The following SHISA9 variants were observed in gnomAD, a reference collection of about 807,000 sequenced individuals.
SHISA9 encodes the protein protein shisa-9.
Under a neutral mutation model 38.0 loss-of-function variants are expected in SHISA9, and 13 were observed. The observed-to-expected ratio is 0.34, with a 90% CI of 0.22 to 0.54. The LOEUF (loss-of-function observed/expected upper bound fraction) is 0.54, where lower values mean the gene tolerates loss of function less well. Among genes scored for constraint, SHISA9 ranks in the 20% least tolerant of loss-of-function variants. The pLI, the probability that SHISA9 is intolerant of heterozygous loss-of-function variation, is 0.91. For synonymous variants in SHISA9, 275 were observed against 242.0 expected (o/e 1.14, Z -1.27); for missense variants, 538 against 575.8 (o/e 0.93, Z 0.67).
the SHISA9 span, among the ~76,000 whole-genome samples, chr16:13,546,152 A>G: frequency 1.3e-5 from 2 of 152,178 alleles, no homozygotes; most frequent in Non-Finnish European, 2.9e-5. Flanking sequence ...AATCAGAAAA[A>G]GGAGTTAGAA....
chr16:12,997,606 A>C (rs1371049452), intron 2 of SHISA9, among the ~76,000 whole-genome samples: 1 of 151,918 alleles, frequency 6.6e-6, no homozygotes, highest in Non-Finnish European at 1.5e-5. Flanking sequence ...GGGTTTCACC[A>C]TGTTGACCAG....
the SHISA9 span, among the ~76,000 whole-genome samples, chr16:13,295,892 G>T: frequency 5.3e-5 from 8 of 152,296 alleles, no homozygotes; most frequent in Non-Finnish European, 1.2e-4. Context: ...AAAAATTTCT[G>T]TCGGAGCTTT....
the SHISA9 span, among the ~76,000 whole-genome samples, chr16:13,322,462 C>T: frequency 6.6e-6 from 1 of 152,144 alleles, no homozygotes; most frequent in Non-Finnish European, 1.5e-5. Context: ...CCAGTTAGAG[C>T]CCTCTGAAAA....
chr16:13,254,617 A>G, the SHISA9 span, among the ~76,000 whole-genome samples: 1 of 152,214 alleles, frequency 6.6e-6, no homozygotes, highest in South Asian at 2.1e-4. Flanking sequence ...AGCAATTACC[A>G]TGACGTTCTT....
the SHISA9 span, among the ~76,000 whole-genome samples, chr16:13,372,528 G>A: frequency 2.0e-5 from 3 of 152,200 alleles, no homozygotes; most frequent in Admixed American, 1.3e-4. Flanking sequence ...TAATGTCCAA[G>A]CAGCACCATT....
At chr16:12,908,000 T>A (rs185329631) in intron 1 of SHISA9, among the ~76,000 whole-genome samples, 1 of 152,334 alleles carries the variant, frequency 6.6e-6, no homozygotes, top group East Asian at 1.9e-4. Context: ...AGATTCAATC[T>A]CAGCTCAGCC....
At chr16:13,055,396 C>G (rs1405335242) in intron 2 of SHISA9, among the ~76,000 whole-genome samples, 1 of 152,158 alleles carries the variant, frequency 6.6e-6, no homozygotes, top group African/African-American at 2.4e-5. Flanking sequence ...TTCTCACTGT[C>G]TCTCTGGTTC....
At chr16:13,088,353 A>C (rs1048017645) in intron 2 of SHISA9, among the ~76,000 whole-genome samples, 9 of 152,200 alleles carry the variant, frequency 5.9e-5, no homozygotes, top group Non-Finnish European at 7.3e-5. Context: ...CTGTGAAGAA[A>C]GTCATTGGTA....
the SHISA9 span, among the ~76,000 whole-genome samples, chr16:13,465,465 C>T: frequency 8.3e-3 from 1,261 of 152,272 alleles, 19 homozygotes; most frequent in African/African-American, 0.029. Context: ...GAAAAGATAT[C>T]ACCTTAAGCC....
chr16:12,984,330 G>T (rs2141826056), intron 2 of SHISA9, among the ~76,000 whole-genome samples: 1 of 152,320 alleles, frequency 6.6e-6, no homozygotes, highest in South Asian at 2.1e-4. Context: ...CTTCCTTGTG[G>T]AGGACTTCAC....
intron 2 of SHISA9, among the ~76,000 whole-genome samples, chr16:13,088,961 T>G (rs2073743747): frequency 1.3e-5 from 2 of 152,198 alleles, no homozygotes; most frequent in Admixed American, 6.5e-5. Context: ...CTTAAATAGC[T>G]CTTATTATTT....
At chr16:13,250,380 G>A in the SHISA9 span, among the ~76,000 whole-genome samples, 1 of 152,136 alleles carries the variant, frequency 6.6e-6, no homozygotes, top group Non-Finnish European at 1.5e-5. Flanking sequence ...GCATTGGGGG[G>A]AGAGGGTCAG....
intron 2 of SHISA9, among the ~76,000 whole-genome samples, chr16:13,126,171 G>A (rs2050254759): frequency 6.6e-6 from 1 of 152,194 alleles, no homozygotes; most frequent in African/African-American, 2.4e-5. Flanking sequence ...GCATAGATCA[G>A]TTTGCACAGC....
the SHISA9 span, among the ~76,000 whole-genome samples, chr16:13,473,349 C>CTTTTTTTTTTTT: frequency 1.2e-3 from 90 of 73,850 alleles, no homozygotes; most frequent in East Asian, 2.0e-3. Context: ...TTCTTTCTTT[C>CTTTTTTTTTTTT]TTTTTTTTTT....
intron 2 of SHISA9, among the ~76,000 whole-genome samples, chr16:13,073,856 G>A (rs969699801): frequency 6.6e-6 from 1 of 152,088 alleles, no homozygotes; most frequent in Admixed American, 6.5e-5. Context: ...CGAGGCATGG[G>A]ACAGGTTCTC....
chr16:13,506,852 G>A, the SHISA9 span, among the ~76,000 whole-genome samples: 2 of 152,006 alleles, frequency 1.3e-5, no homozygotes, highest in African/African-American at 2.4e-5. Flanking sequence ...CTGGGCAACA[G>A]AGCAAGACCC....
the SHISA9 span, among the ~76,000 whole-genome samples, chr16:13,504,039 A>G: frequency 1.2e-4 from 18 of 152,266 alleles, no homozygotes; most frequent in Admixed American, 9.8e-4. Flanking sequence ...AAATCATCAG[A>G]GCAAATTTGC....
At chr16:13,305,036 G>A in the SHISA9 span, among the ~76,000 whole-genome samples, 143 of 152,272 alleles carry the variant, frequency 9.4e-4, no homozygotes, top group African/African-American at 3.2e-3. Context: ...GACCAGAGGT[G>A]TTTTCAATTT....
At chr16:13,007,028 T>A (rs2072606764) in intron 2 of SHISA9, among the ~76,000 whole-genome samples, 1 of 152,172 alleles carries the variant, frequency 6.6e-6, no homozygotes, top group Non-Finnish European at 1.5e-5. Flanking sequence ...GCCCCCAAAT[T>A]ATTCACTTGT....
Sources: gnomAD v4.1 joint callset for allele counts (sites outside exome capture counted in the v4.1 genomes callset) on GRCh38, gnomAD v4.1.1 for gene constraint, MANE v1.5 for transcripts, NCBI Gene and HGNC (gene_info 2026-07-23, HGNC 2026-07-21) for gene names.